Variants in INPP4A observed in about 807,000 individuals in gnomAD.
The protein encoded by INPP4A is inositol polyphosphate-4-phosphatase, type I, 107kD.
In INPP4A, 33 loss-of-function variants were observed where a neutral mutation model predicts 119.8. That is an observed-to-expected ratio of 0.28 (90% CI 0.21 to 0.37). The LOEUF (loss-of-function observed/expected upper bound fraction) is 0.37, where lower values mean the gene tolerates loss of function less well. INPP4A is among the 10% of genes least tolerant of loss of function. The probability of loss-of-function intolerance (pLI) is 1.00; values close to 1 mark genes in which losing one functional copy is unlikely to be tolerated. For synonymous variants in INPP4A, 496 were observed against 500.7 expected, an observed-to-expected ratio of 0.99 and a Z score of 0.12; for missense variants, 956 against 1,289.9, an observed-to-expected ratio of 0.74 and a Z score of 3.97.
intron 1 of INPP4A, among the ~76,000 whole-genome samples, chr2:98,495,186 A>G (rs1274685530): frequency 1.3e-5 from 2 of 152,232 alleles, no homozygotes; most frequent in Non-Finnish European, 2.9e-5. Flanking sequence ...GCAAAGAAAT[A>G]ATGACAGAAA....
intron 4 of INPP4A, among the ~76,000 whole-genome samples, chr2:98,527,242 C>A (rs991488028): frequency 6.6e-6 from 1 of 152,134 alleles, no homozygotes; most frequent in Non-Finnish European, 1.5e-5. Flanking sequence ...CAAAAAAGCC[C>A]CTTTCTTAGA....
At chr2:98,552,720 G>T in intron 13 of INPP4A, 66 bp from the exon 14 acceptor site, 2 of 1,289,060 alleles carry the variant, frequency 1.6e-6, no homozygotes, top group Non-Finnish European at 1.1e-6. Flanking sequence ...GGCTGGGGTT[G>T]GAATGATGCT....
intron 16 of INPP4A, among the ~76,000 whole-genome samples, chr2:98,559,028 C>T (rs2106277172): frequency 6.6e-6 from 1 of 152,364 alleles, no homozygotes; most frequent in South Asian, 2.1e-4. Flanking sequence ...AGCAGTGGGA[C>T]TGACCGTGGA....
chr2:98,468,413 T>A (rs563179049), intron 1 of INPP4A, among the ~76,000 whole-genome samples: 1 of 152,196 alleles, frequency 6.6e-6, no homozygotes, highest in Non-Finnish European at 1.5e-5. Context: ...TATTTTTTAT[T>A]TTTTTGTAGG....
intron 21 of INPP4A, among the ~76,000 whole-genome samples, chr2:98,568,254 A>G (rs1696830258): frequency 6.6e-6 from 1 of 152,130 alleles, no homozygotes; most frequent in African/African-American, 2.4e-5. Flanking sequence ...CTCAGATGGG[A>G]GGAGACCAGG....
At position 98,520,084 on chromosome 2, in the gene INPP4A, C is replaced by T. The variant is rs1306444586; in HGVS notation, c.36C>T (p.Ala12=). The T allele has an allele frequency of 1.3e-6, 2 of 1,582,996 alleles. No homozygotes were observed. Among genetic ancestry groups the T allele is most frequent in the Non-Finnish European group, 8.6e-7 (1 of 1,163,198 alleles). The change falls in exon 3 of 25, where the codon GCC becomes GCT. Residue 12 remains alanine (A), a synonymous_variant. Transcript: ENST00000409851. Reference sequence around the variant, plus strand: ...GAGAGCACAGCCCTCGCCATGGTGCCAGGGCCCGTGCAATGCAGCGGGCTT... The same window carrying T: ...GAGAGCACAGCCCTCGCCATGGTGCTAGGGCCCGTGCAATGCAGCGGGCTT... ...TAREHSPRHG[A]RARAMQRAST...
intron 4 of INPP4A, among the ~76,000 whole-genome samples, chr2:98,527,550 G>A (rs1403073036): frequency 1.3e-5 from 2 of 152,206 alleles, no homozygotes; most frequent in Non-Finnish European, 2.9e-5. Context: ...GTGAAGGGCT[G>A]TGCACATGTC....
chr2:98,541,220 G>A (rs1691372884), intron 10 of INPP4A, among the ~76,000 whole-genome samples: 1 of 151,994 alleles, frequency 6.6e-6, no homozygotes, highest in African/African-American at 2.4e-5. Flanking sequence ...CCAGCTACTC[G>A]GGAGGCAGAG....
At chr2:98,547,903 G>A (rs1692759447) in intron 13 of INPP4A, among the ~76,000 whole-genome samples, 1 of 152,146 alleles carries the variant, frequency 6.6e-6, no homozygotes, top group African/African-American at 2.4e-5. Context: ...AACAGCGTGA[G>A]GGAAGGTGAG....
intron 14 of INPP4A, among the ~76,000 whole-genome samples, chr2:98,553,960 T>G (rs1407868304): frequency 6.6e-6 from 1 of 152,192 alleles, no homozygotes; most frequent in Non-Finnish European, 1.5e-5. Context: ...GGCAGTGGGC[T>G]CTCTCTGCAG....
intron 4 of INPP4A, among the ~76,000 whole-genome samples, chr2:98,526,109 A>T (rs1688139819): frequency 6.6e-6 from 1 of 152,218 alleles, no homozygotes; most frequent in Non-Finnish European, 1.5e-5. Context: ...CTCATTTTTT[A>T]AAAAAGAATG....
At chr2:98,531,770 T>A (rs1689275587) in intron 4 of INPP4A, among the ~76,000 whole-genome samples, 1 of 152,168 alleles carries the variant, frequency 6.6e-6, no homozygotes, top group Non-Finnish European at 1.5e-5. Flanking sequence ...TTTTCAAACC[T>A]TAAAAGCTGA....
intron 1 of INPP4A, among the ~76,000 whole-genome samples, chr2:98,467,417 A>G (rs1574550623): frequency 6.6e-6 from 1 of 152,148 alleles, no homozygotes; most frequent in South Asian, 2.1e-4. Flanking sequence ...TCACACTGTT[A>G]ACTTGGTCTC....
At chr2:98,537,603 C>T (rs1356398782) in intron 7 of INPP4A, among the ~76,000 whole-genome samples, 1 of 152,202 alleles carries the variant, frequency 6.6e-6, no homozygotes, top group Non-Finnish European at 1.5e-5. Flanking sequence ...AGGGAGGCCC[C>T]CTCTGACTTC....
chr2:98,584,746 T>A (rs974574748), intron 24 of INPP4A, among the ~76,000 whole-genome samples: 1 of 152,250 alleles, frequency 6.6e-6, no homozygotes, highest in African/African-American at 2.4e-5. Context: ...GAGATTAGCC[T>A]AGGTGGTGGG....
Position 98,594,090 on chromosome 2 carries a change from A to T in INPP4A, c.*6482A>T, listed in dbSNP as rs949506674. 6.6e-6 allele frequency: 1 copy of T among 152,238 alleles called. No individual in the cohort carries two copies. Among genetic ancestry groups the T allele is most frequent in the African/African-American group, 2.4e-5 (1 of 41,452 alleles). 9.4% of individuals were successfully genotyped at this position (152,238 alleles called of 1,614,324 possible). A position where few individuals can be genotyped will look rare whatever the true frequency, so the allele number is the denominator to read the frequency against. ...ATGGTGGTTTTGTGGTGTTCAACTG[A>T]AATATTTCCTATTTCAGCACTGGAC... On this transcript the variant is annotated 3_prime_UTR_variant, in exon 25 of 25. Coordinates refer to ENST00000409851, the MANE Select transcript of INPP4A (RefSeq NM_001134225.2).
chr2:98,536,019 G>T, intron 6 of INPP4A, 110 bp from the exon 7 acceptor site: 1 of 744,294 alleles, frequency 1.3e-6, no homozygotes, highest in South Asian at 1.7e-5. Flanking sequence ...TCTGACATAA[G>T]GGTAAGAGGT....
intron 16 of INPP4A, 85 bp from the exon 17 acceptor site, chr2:98,559,378 G>T: frequency 6.7e-7 from 1 of 1,490,650 alleles, no homozygotes; most frequent in Non-Finnish European, 9.3e-7. Flanking sequence ...AGCTGCTGAC[G>T]CAGCTGCTGC....
intron 1 of INPP4A, among the ~76,000 whole-genome samples, chr2:98,500,617 G>T (rs1356785564): frequency 2.0e-5 from 3 of 152,178 alleles, no homozygotes; most frequent in Non-Finnish European, 2.9e-5. Context: ...CTAGGAACAG[G>T]GTAGGGGGTC....
Sources: gnomAD v4.1 joint callset for allele counts (sites outside exome capture counted in the v4.1 genomes callset) on GRCh38, gnomAD v4.1.1 for gene constraint, MANE v1.5 for transcripts, NCBI Gene and HGNC (gene_info 2026-07-23, HGNC 2026-07-21) for gene names.